Variants in IL1RAPL1 observed in about 807,000 individuals in gnomAD.
IL1RAPL1 encodes interleukin-1 receptor accessory protein-like 1.
Under a neutral mutation model 48.4 loss-of-function variants are expected in IL1RAPL1, and 3 were observed. The ratio of observed to expected loss-of-function variants is 0.06; its 90% confidence interval spans 0.03 to 0.16. The LOEUF is 0.16. Among genes scored for constraint, IL1RAPL1 ranks in the 10% least tolerant of loss-of-function variants. IL1RAPL1 has a pLI of 1.00. For synonymous variants in IL1RAPL1, 185 were observed against 187.7 expected (o/e 0.99, Z 0.12); for missense variants, 349 against 530.6 (o/e 0.66, Z 3.36).
chrX:29,734,584 A>T (rs758799390), intron 6 of IL1RAPL1, among the ~76,000 whole-genome samples: 10 of 112,392 alleles, frequency 8.9e-5, no homozygotes, highest in Admixed American at 7.6e-4. Flanking sequence ...TCACTTCTAC[A>T]TCTAGTAAAT....
chrX:29,945,633 AAGAC>A (rs1933201420), intron 9 of IL1RAPL1, among the ~76,000 whole-genome samples: 2 of 112,041 alleles, frequency 1.8e-5, no homozygotes, highest in African/African-American at 6.5e-5. Flanking sequence ...CACAATTAGA[AAGAC>A]AGAATTTAAG....
intron 2 of IL1RAPL1, among the ~76,000 whole-genome samples, chrX:29,250,416 G>A (rs773853698): frequency 1.7e-4 from 19 of 111,326 alleles, no homozygotes; most frequent in Non-Finnish European, 2.8e-4. Context: ...ATTAAACCAT[G>A]AAACTATGGC....
chrX:29,432,382 A>G (rs1463760297), intron 5 of IL1RAPL1, among the ~76,000 whole-genome samples: 1 of 111,193 alleles, frequency 9.0e-6, no homozygotes, highest in Non-Finnish European at 1.9e-5. Flanking sequence ...TAGTACCCCT[A>G]CCTCTCAGGC....
In IL1RAPL1 at chrX:29,310,435, A is replaced by G. The variant is rs147227796; in HGVS notation, c.362+27218A>G. Among the ~76,000 whole-genome samples the G allele has an allele frequency of 7.3e-3, 814 of 111,824 alleles. 10 individuals are homozygous for G. The highest frequency in any genetic ancestry group is 0.026 in the African/African-American group (788 of 30,775). The stretch of plus-strand genomic sequence containing the variant: ...AAAACACAAATTTTGAAAGGGCAAA[A>G]AATCATTTTTGGAATCTGACTAATG... On this transcript the variant is annotated intron_variant, in intron 3 of 10. Transcript: ENST00000378993.
intron 2 of IL1RAPL1, among the ~76,000 whole-genome samples, chrX:28,969,866 TATATATATGTTTCTAAACAC>T (rs1569210401): frequency 8.4e-5 from 6 of 71,479 alleles, no homozygotes; most frequent in African/African-American, 3.1e-4. Context: ...TCTAAACACA[TATATATATGTTTCTAAACAC>T]ATATATATGT....
At chrX:29,355,492 A>T in intron 3 of IL1RAPL1, among the ~76,000 whole-genome samples, 1 of 112,610 alleles carries the variant, frequency 8.9e-6, no homozygotes, top group South Asian at 3.6e-4. Context: ...AAACCCAGAA[A>T]TACTTGTAGC....
chrX:29,314,344 C>G, intron 3 of IL1RAPL1, among the ~76,000 whole-genome samples: 1 of 111,941 alleles, frequency 8.9e-6, no homozygotes, highest in East Asian at 2.8e-4. Context: ...CCCAGTGAGT[C>G]CAGGTTCTTA....
chrX:29,429,149 C>G (rs1371946682), intron 5 of IL1RAPL1, among the ~76,000 whole-genome samples: 2 of 111,591 alleles, frequency 1.8e-5, no homozygotes, highest in Non-Finnish European at 3.8e-5. Context: ...GAAATGTTTC[C>G]AAAACTTCAG....
intron 1 of IL1RAPL1, among the ~76,000 whole-genome samples, chrX:28,721,812 T>G (rs1384481598): frequency 2.7e-5 from 3 of 111,182 alleles, no homozygotes; most frequent in African/African-American, 9.8e-5. Context: ...TTTCTACATA[T>G]GGCTAGCCAG....
rs1315763529 is a variant in IL1RAPL1, at chrX:29,802,926, C to CATATATGT, written c.779-114537_779-114530dup. Among the ~76,000 whole-genome samples, 49 of 68,920 alleles carry CATATATGT rather than the reference C, an allele frequency of 7.1e-4. 2 individuals carry two copies. The highest frequency in any genetic ancestry group is 1.5e-3 in the African/African-American group (24 of 15,713). The allele number at this position is 68,920 out of a possible 115,157, so 59.8% of individuals were successfully genotyped here. A position where few individuals can be genotyped will look rare whatever the true frequency, so the allele number is the denominator to read the frequency against. The stretch of plus-strand genomic sequence containing the variant: ...ATGTGTATATATGTGTACATATATA[C>CATATATGT]ATATATGTGTACATATGTATGCATA... On this transcript the variant is annotated intron_variant, in intron 6 of 10. Transcript: ENST00000378993.
At chrX:29,020,497 C>A in intron 2 of IL1RAPL1, among the ~76,000 whole-genome samples, 1 of 112,520 alleles carries the variant, frequency 8.9e-6, no homozygotes, top group Middle Eastern at 4.6e-3. Context: ...ATGTAGTAGG[C>A]TATGCCCTGT....
chrX:29,220,924 C>CAA (rs1456221623), intron 2 of IL1RAPL1, among the ~76,000 whole-genome samples: 5 of 110,861 alleles, frequency 4.5e-5, no homozygotes, highest in Non-Finnish European at 9.4e-5. Context: ...TTCCTTTTTT[C>CAA]TTTTTAAGAT....
intron 5 of IL1RAPL1, among the ~76,000 whole-genome samples, chrX:29,535,666 G>T (rs1921206232): frequency 8.9e-6 from 1 of 112,079 alleles, no homozygotes; most frequent in Non-Finnish European, 1.9e-5. Flanking sequence ...AGCTTAAGGA[G>T]AACACAAGAA....
chrX:28,990,581 G>A (rs1037134665), intron 2 of IL1RAPL1, among the ~76,000 whole-genome samples: 1 of 111,643 alleles, frequency 9.0e-6, no homozygotes, highest in African/African-American at 3.3e-5. Context: ...TAAGAATGAG[G>A]CCGAAGATAT....
At chrX:29,753,156 A>T (rs1928530971) in intron 6 of IL1RAPL1, among the ~76,000 whole-genome samples, 1 of 112,094 alleles carries the variant, frequency 8.9e-6, no homozygotes, top group African/African-American at 3.2e-5. Flanking sequence ...AAATGGTGGG[A>T]CTCATGAAAG....
At chrX:28,644,943 A>G (rs1934589926) in intron 1 of IL1RAPL1, among the ~76,000 whole-genome samples, 1 of 111,441 alleles carries the variant, frequency 9.0e-6, no homozygotes, top group African/African-American at 3.3e-5. Flanking sequence ...TCTATTGGCT[A>G]TGTAGTAATT....
chrX:29,434,879 G>T (rs1173982480), intron 5 of IL1RAPL1, among the ~76,000 whole-genome samples: 1 of 110,879 alleles, frequency 9.0e-6, no homozygotes, highest in Non-Finnish European at 1.9e-5. Context: ...GTGGATTTTA[G>T]TATATTCACA....
At chrX:29,139,143 A>G (rs1294794682) in intron 2 of IL1RAPL1, among the ~76,000 whole-genome samples, 1 of 111,561 alleles carries the variant, frequency 9.0e-6, no homozygotes, top group Non-Finnish European at 1.9e-5. Context: ...TCATTTCTCC[A>G]TTCTACTTGT....
At chrX:29,240,224 A>ATTT (rs55639151) in intron 2 of IL1RAPL1, among the ~76,000 whole-genome samples, 10 of 13,339 alleles carry the variant, frequency 7.5e-4, no homozygotes, top group African/African-American at 2.4e-3. Context: ...ATATATATAT[A>ATTT]TTTTTTTTTT....
Sources: allele counts gnomAD v4.1 joint callset (sites outside exome capture counted in the v4.1 genomes callset), GRCh38; gene constraint gnomAD v4.1.1; transcripts MANE v1.5; gene names NCBI Gene and HGNC (gene_info 2026-07-23, HGNC 2026-07-21).